The following MGA variants were observed in gnomAD, a reference collection of about 807,000 sequenced individuals.
The protein encoded by MGA is MAX dimerization protein MGA.
Under a neutral mutation model 261.1 loss-of-function variants are expected in MGA, and 40 were observed. The ratio of observed to expected loss-of-function variants is 0.15; its 90% CI spans 0.12 to 0.20. The LOEUF is 0.20. Among genes scored for constraint, MGA ranks in the 10% least tolerant of loss-of-function variants. The pLI is 1.00. For synonymous variants in MGA, 1,302 were observed against 1,290.6 expected (o/e 1.01, Z -0.19); for missense variants, 3,397 against 3,630.5 (o/e 0.94, Z 1.65).
Position 41,654,078 on chromosome 15 carries a change from C to CTTT in MGA, c.-67-14749_-67-14748insTTT, listed in dbSNP as rs1555403437. Among the ~76,000 whole-genome samples the CTTT allele has an allele frequency of 1.6e-3, 242 of 152,256 alleles. 1 individual carries two copies. Among genetic ancestry groups the CTTT allele is most frequent in the African/African-American group, 5.6e-3 (233 of 41,546 alleles). On this transcript the variant is annotated intron_variant, in intron 1 of 8. Coordinates refer to the MGA transcript ENST00000566718. ...ACTGAGATGTCTCTTGGCTAATATC[C>CTTT]TCTTCTGTATTGTTACTGATGAGGA...
intron 5 of MGA, 139 bp from the exon 6 acceptor site, chr15:41,707,589 T>C: frequency 1.3e-6 from 1 of 752,660 alleles, no homozygotes; most frequent in Non-Finnish European, 2.0e-6. Flanking sequence ...GTTTTTTTCA[T>C]TGTTTTTGCT....
intron 1 of MGA, among the ~76,000 whole-genome samples, chr15:41,627,322 G>C (rs2056480392): frequency 6.6e-6 from 1 of 152,096 alleles, no homozygotes; most frequent in South Asian, 2.1e-4. Flanking sequence ...AGATAACACA[G>C]TACTTTTTGT....
chr15:41,697,413 CTTTTCTTTTTT>C (rs1011113361), intron 3 of MGA, among the ~76,000 whole-genome samples: 13 of 133,472 alleles, frequency 9.7e-5, no homozygotes, highest in Non-Finnish European at 1.8e-4. Context: ...TTTTATTTTT[CTTTTCTTTTTT>C]TTTTTTTTTT....
rs919380296 is a variant in MGA at position 41,736,603 on chromosome 15, G to A, written c.4339G>A (p.Gly1447Ser). ...TTCAGTGAGGGAGAGATTACATGGA[G>A]GCAAAGGTCTGCCTTTTTATGCAGG... Residue 1447 changes from glycine to serine, a missense_variant, in exon 13 of 24, where the codon GGC becomes AGC. Physicochemically the swap from Gly to Ser is moderately conservative, Grantham distance 56. This residue lies in a region of MGA where 1,410 missense variants were observed against 1,386.4 expected (regional missense o/e 1.02). Transcript: ENST00000219905. 2 of 1,613,886 alleles carry A rather than the reference G, an allele frequency of 1.2e-6. No homozygotes were observed. Among genetic ancestry groups the A allele is most frequent in the African/African-American group, 1.3e-5 (1 of 74,918 alleles).
rs772291947 is a variant in MGA, at chr15:41,669,061, C to T, written c.167C>T (p.Ser56Leu). ...TGTGCTTTGGCTAGTAGTGTGTCATCACCAGTAAAATCTAAAGGGAAGATT... is the reference window on the plus strand; with the variant it reads ...TGTGCTTTGGCTAGTAGTGTGTCATTACCAGTAAAATCTAAAGGGAAGATT... Residue 56 changes from serine (S) to leucine (L), a missense_variant, in exon 2 of 24, where the codon TCA becomes TTA. By Grantham distance (145) the Ser-to-Leu change is moderately radical. Around this residue, in one of 9 missense-constraint regions of MGA, gnomAD observed 81 missense variants for 84.3 expected, o/e 0.96. Transcript: ENST00000219905. 1 of 1,611,736 alleles carries T rather than the reference C, an allele frequency of 6.2e-7. No homozygotes were observed. Among genetic ancestry groups the T allele is most frequent in the Non-Finnish European group, 8.5e-7 (1 of 1,177,932 alleles).
chr15:41,652,127 G>A (rs1201007184), intron 1 of MGA, among the ~76,000 whole-genome samples: 1 of 147,638 alleles, frequency 6.8e-6, no homozygotes, highest in Middle Eastern at 3.4e-3. Flanking sequence ...CACCTCGCCC[G>A]GCTAATTTTT....
intron 9 of MGA, among the ~76,000 whole-genome samples, chr15:41,723,528 G>A (rs893793963): frequency 3.3e-5 from 5 of 152,162 alleles, no homozygotes; most frequent in African/African-American, 9.6e-5. Flanking sequence ...CGGTCCTTCC[G>A]TCTTAGCCTC....
intron 14 of MGA, among the ~76,000 whole-genome samples, chr15:41,740,691 C>A (rs903991130): frequency 6.6e-6 from 1 of 152,122 alleles, no homozygotes; most frequent in Non-Finnish European, 1.5e-5. Flanking sequence ...TATGTAAATG[C>A]TTCTGTTGAT....
chr15:41,763,879 T>TG (rs2063643491), intron 22 of MGA, among the ~76,000 whole-genome samples: 1 of 152,052 alleles, frequency 6.6e-6, no homozygotes, highest in South Asian at 2.1e-4. Context: ...TATATCTGGC[T>TG]GGGCGCAGTG....
At chr15:41,685,143 T>C (rs962781085) in intron 2 of MGA, among the ~76,000 whole-genome samples, 3 of 152,228 alleles carry the variant, frequency 2.0e-5, no homozygotes, top group Non-Finnish European at 2.9e-5. Context: ...ATAATTTTTG[T>C]ACATGCTGTG....
At chr15:41,694,713 C>T (rs1024057427) in intron 2 of MGA, among the ~76,000 whole-genome samples, 11 of 151,888 alleles carry the variant, frequency 7.2e-5, no homozygotes, top group East Asian at 1.9e-4. Context: ...TTTTTAGCAC[C>T]GTGTTAGCCA....
Position 41,766,610 on chromosome 15 carries a change from G to T in MGA, c.8528G>T (p.Gly2843Val), listed in dbSNP as rs1462320540. The T allele has an allele frequency of 6.2e-7, 1 of 1,613,854 alleles. No individual in the cohort carries two copies. Among genetic ancestry groups the T allele is most frequent in the Non-Finnish European group, 8.5e-7 (1 of 1,179,884 alleles). The change falls in exon 24 of 24, where the codon GGC becomes GTC. Residue 2843 changes from glycine (G) to valine (V), a missense_variant. Around this residue, in one of 9 missense-constraint regions of MGA, gnomAD observed 647 missense variants for 642.4 expected, o/e 1.01. Transcript: ENST00000219905. ...CAACAACTAAATGATGACTCTGTTG[G>T]CCTGGCTGAACTACCCAGCTCTATG... is the stretch of plus-strand genomic sequence containing the variant.
chr15:41,712,289 T>C (rs1028935525), intron 8 of MGA, among the ~76,000 whole-genome samples: 3 of 152,076 alleles, frequency 2.0e-5, no homozygotes, highest in Non-Finnish European at 4.4e-5. Flanking sequence ...GGCTGGAGTT[T>C]AGTGGCGTGA....
chr15:41,766,445 T>C lies in MGA; in HGVS notation c.8363T>C (p.Ile2788Thr). 1.2e-6 allele frequency: 2 copies of C among 1,613,952 alleles called. No homozygotes were observed. Among genetic ancestry groups the C allele is most frequent in the South Asian group, 1.1e-5 (1 of 91,084 alleles). ...ATGAAAGATCTCAAGGACTCAAGCA[T>C]AGAGATGGAACTGAGGAAAGTAACA... The change falls in exon 24 of 24, where the codon ATA (isoleucine) becomes ACA (threonine). Residue 2788 changes from isoleucine to threonine, a missense_variant. Transcript: ENST00000219905.
intron 17 of MGA, 56 bp from the exon 18 acceptor site, chr15:41,754,381 G>C: frequency 2.1e-6 from 3 of 1,446,980 alleles, no homozygotes; most frequent in Non-Finnish European, 1.8e-6. Flanking sequence ...CATTTGAAAA[G>C]TTTAGGTGTG....
chr15:41,646,777 G>A (rs1257557389), intron 1 of MGA, among the ~76,000 whole-genome samples: 2 of 151,690 alleles, frequency 1.3e-5, no homozygotes, highest in East Asian at 3.9e-4. Context: ...GGTTAATTGA[G>A]ATATCACCCC....
At position 41,736,306 on chromosome 15, in the gene MGA, C is replaced by A; in HGVS notation, c.4042C>A (p.Arg1348=). The change falls in exon 13 of 24, where the codon CGG becomes AGG. Residue 1348 remains arginine, a synonymous_variant. Coordinates refer to ENST00000219905, the MANE Select transcript of MGA (RefSeq NM_001164273.2). ...CTCAGACTGCAACTGGGAGGAAGAT[C>A]GGAACAAGATTTTGAGCATCTTATC... 6.2e-7 allele frequency: 1 copy of A among 1,613,982 alleles called. No homozygotes were observed. The highest frequency in any genetic ancestry group is 8.5e-7 in the Non-Finnish European group (1 of 1,179,898).
rs534951059 is a variant in MGA at position 41,767,230 on chromosome 15, G to C, written c.9148G>C (p.Val3050Leu). 1.2e-6 allele frequency: 2 copies of C among 1,613,864 alleles called. No homozygotes were observed. Among genetic ancestry groups the C allele is most frequent in the East Asian group, 2.2e-5 (1 of 44,880 alleles). ...GGTGATGCCTACATTGGCACCTGTTGTGGCTAAATTGGGCAACTCGGGGGC... is the reference window on the plus strand; with the variant it reads ...GGTGATGCCTACATTGGCACCTGTTCTGGCTAAATTGGGCAACTCGGGGGC... The change falls in exon 24 of 24, where the codon GTG (valine) becomes CTG (leucine). Residue 3050 changes from valine (V) to leucine (L), a missense_variant. This residue lies in a region of MGA where 647 missense variants were observed against 642.4 expected (regional missense o/e 1.01). Transcript: ENST00000219905.
At chr15:41,729,094 T>C in intron 10 of MGA, 70 bp from the exon 11 acceptor site, 1 of 1,425,084 alleles carries the variant, frequency 7.0e-7, no homozygotes. Context: ...AGATTAAACA[T>C]TCGTTTTGTT....
Sources: gnomAD v4.1 joint callset for allele counts (sites outside exome capture counted in the v4.1 genomes callset) on GRCh38, gnomAD v4.1.1 for gene constraint, gnomAD v4.1.1 regional missense constraint, MANE v1.5 for transcripts, NCBI Gene and HGNC (gene_info 2026-07-23, HGNC 2026-07-21) for gene names.